The following DHX38 variants were observed in gnomAD, a reference collection of about 807,000 sequenced individuals.
The protein encoded by DHX38 is DEAH-box helicase 38.
A neutral mutation model predicts 153.1 loss-of-function variants in DHX38; 100 were observed. The observed-to-expected ratio is 0.65, with a 90% confidence interval of 0.56 to 0.77. The LOEUF (loss-of-function observed/expected upper bound fraction) is 0.77. DHX38 is among the 30% of genes least tolerant of loss of function. The pLI is 0.00. For missense variants in DHX38, 1,440 were observed against 1,654.0 expected, an observed-to-expected ratio of 0.87 and a Z score of 2.24; for synonymous variants, 650 against 631.7, an observed-to-expected ratio of 1.03 and a Z score of -0.43.
chr16:72,110,892 C>G, intron 25 of DHX38, 64 bp from the exon 26 acceptor site: 1 of 1,505,162 alleles, frequency 6.6e-7, no homozygotes, highest in Non-Finnish European at 8.9e-7. Context: ...GACTTGGGTG[C>G]CGACGAGGCC....
At chr16:72,097,849 CT>C in intron 4 of DHX38, 68 bp downstream of exon 4, 1 of 1,323,302 alleles carries the variant, frequency 7.6e-7, no homozygotes, top group Non-Finnish European at 1.1e-6. Flanking sequence ...TGACTCTCGT[CT>C]TCAGTGAGAT....
At chr16:72,109,158 C>G (rs1178964148) in intron 24 of DHX38, among the ~76,000 whole-genome samples, 2 of 152,218 alleles carry the variant, frequency 1.3e-5, no homozygotes, top group Non-Finnish European at 2.9e-5. Context: ...TCCCCACTTG[C>G]TGCTTGGGAT....
At position 72,104,141 on chromosome 16, in the gene DHX38, G is replaced by A; in HGVS notation, c.2010+10G>A. 1 of 1,612,566 alleles carries A rather than the reference G, an allele frequency of 6.2e-7. No homozygotes were observed. Among genetic ancestry groups the A allele is most frequent in the South Asian group, 1.1e-5 (1 of 91,060 alleles). Reference sequence around the variant, plus strand: ...TGGGCTGCTCCGGGAGGTGAGGGCTGTGTGGTTTGGTCTCTCTGCGCATGG... The same window carrying A: ...TGGGCTGCTCCGGGAGGTGAGGGCTATGTGGTTTGGTCTCTCTGCGCATGG... On this transcript the variant is annotated intron_variant, in intron 14 of 26. Transcript: ENST00000268482. The surrounding 1 kb of genome is among the most constrained non-coding windows in gnomAD (Gnocchi z 4.5).
chr16:72,101,740 T>G, intron 11 of DHX38, 128 bp downstream of exon 11: 1 of 682,042 alleles, frequency 1.5e-6, no homozygotes, highest in South Asian at 1.8e-5. Context: ...TCTCTGCATC[T>G]TCCATTCTCT....
At position 72,101,163 on chromosome 16, in the gene DHX38, G is replaced by A; in HGVS notation, c.1356G>A (p.Arg452=). The change falls in exon 10 of 27, where the codon CGG becomes CGA. Residue 452 remains arginine (R), a synonymous_variant. Transcript: ENST00000268482. ...CTCGGAAAGGCAGCCAGACAGTGCG[G>A]AAGCACAGGGAGCAGAAGGAGCGCA... is the stretch of plus-strand genomic sequence containing the variant. ...IIARKGSQTV[R]KHREQKERKK... The A allele has an allele frequency of 6.2e-7, 1 of 1,614,288 alleles. No homozygotes were observed. Among genetic ancestry groups the A allele is most frequent in the Non-Finnish European group, 8.5e-7 (1 of 1,180,054 alleles).
intron 1 of DHX38, 39 bp from the exon 2 acceptor site, chr16:72,096,100 G>C: frequency 1.3e-6 from 2 of 1,542,578 alleles, no homozygotes; most frequent in East Asian, 2.3e-5. Flanking sequence ...TAGTAGAGCT[G>C]AGCCTTCTCT....
At position 72,107,192 on chromosome 16, in the gene DHX38, G is replaced by T. The variant is rs2042190055; in HGVS notation, c.2601-148G>T. ...GAAGAAGGGCTAAATTGGCAGATTG[G>T]AGTTTTGAATAGGTGGAAGTCAGTG... On this transcript the variant is annotated intron_variant, in intron 19 of 26. Transcript: ENST00000268482. This position sits in a 1 kb window ranked among gnomAD's most constrained non-coding sequence, Gnocchi z 5.3. The T allele has an allele frequency of 5.0e-6, 4 of 794,958 alleles. No individual in the cohort carries two copies. Among genetic ancestry groups the T allele is most frequent in the Non-Finnish European group, 7.8e-6 (4 of 511,528 alleles). 49.2% of individuals were successfully genotyped at this position (794,958 alleles called of 1,614,324 possible).
At position 72,098,690 on chromosome 16, in the gene DHX38, GC is replaced by G. The variant is rs1305159894; in HGVS notation, c.663del (p.Tyr222MetfsTer36). 1.2e-6 allele frequency: 2 copies of G among 1,614,172 alleles called. No homozygotes were observed. The highest frequency in any genetic ancestry group is 1.7e-6 in the Non-Finnish European group (2 of 1,180,030). ...SRSTWEEEDS[G>X]YGSSRRSQWE... is the part of the protein sequence containing the mutation. The stretch of plus-strand genomic sequence containing the variant: ...TCTACCTGGGAGGAAGAGGACAGTG[GC>G]TATGGCTCCTCAAGGCGCTCACAGT... On this transcript the variant is annotated frameshift_variant, in exon 5 of 27. Transcript: ENST00000268482. LOFTEE classifies it high-confidence loss of function.
intron 12 of DHX38, 28 bp downstream of exon 12, chr16:72,103,239 A>G: frequency 6.2e-7 from 1 of 1,608,576 alleles, no homozygotes; most frequent in East Asian, 2.2e-5. Context: ...CCAGGAATCT[A>G]GTGTCAAGTC....
At chr16:72,096,543 A>G (rs1158600996) in intron 2 of DHX38, 63 bp downstream of exon 2, 16 of 1,494,116 alleles carry the variant, frequency 1.1e-5, no homozygotes, top group Admixed American at 2.4e-5. Context: ...ATAACAGCTC[A>G]TGTTTATCTC....
At chr16:72,106,155 C>T (rs764579727) in intron 19 of DHX38, 38 bp downstream of exon 19, 4 of 1,599,518 alleles carry the variant, frequency 2.5e-6, no homozygotes, top group Non-Finnish European at 3.4e-6. Flanking sequence ...TGGGGCAGCG[C>T]TGGGGTTGCT....
chr16:72,107,232 T>C lies in DHX38; in HGVS notation c.2601-108T>C. ...GGAAGTCAGTGATTCACTGAAGTAG[T>C]GGGTGGGGAGAAGAAATGAGAATTT... On this transcript the variant is annotated intron_variant, in intron 19 of 26. Transcript: ENST00000268482. This position sits in a 1 kb window ranked among gnomAD's most constrained non-coding sequence, Gnocchi z 5.3. The C allele has an allele frequency of 8.5e-7, 1 of 1,174,332 alleles. No homozygotes were observed. Among genetic ancestry groups the C allele is most frequent in the South Asian group, 1.5e-5 (1 of 67,146 alleles). The allele number at this position is 1,174,332 out of a possible 1,614,324, so 72.7% of individuals were successfully genotyped here. A position where few individuals can be genotyped will look rare whatever the true frequency, so the allele number is the denominator to read the frequency against.
intron 7 of DHX38, 111 bp downstream of exon 7, chr16:72,099,391 C>A: frequency 2.0e-6 from 2 of 996,230 alleles, no homozygotes; most frequent in South Asian, 1.7e-5. Flanking sequence ...CCTGTTCAGA[C>A]CCAATGCCCT....
At chr16:72,097,133 C>T (rs1645862519) in intron 3 of DHX38, 124 bp downstream of exon 3, 1 of 1,139,434 alleles carries the variant, frequency 8.8e-7, no homozygotes. Flanking sequence ...TGATGTCCGC[C>T]TGAGTGGTTT....
At position 72,112,648 on chromosome 16, in the gene DHX38, C is replaced by A. The variant is rs2042272998; in HGVS notation, c.*151C>A. Reference sequence around the variant, plus strand: ...AGGGCAGTTCCTGCTGGACCAGACTCTCTGGCAGAGGAGGTGGAGTTCTTC... The same window carrying A: ...AGGGCAGTTCCTGCTGGACCAGACTATCTGGCAGAGGAGGTGGAGTTCTTC... On this transcript the variant is annotated 3_prime_UTR_variant, in exon 27 of 27. Coordinates refer to ENST00000268482, the MANE Select transcript of DHX38 (RefSeq NM_014003.4). The A allele has an allele frequency of 2.4e-6, 2 of 836,608 alleles. No homozygotes were observed. Among genetic ancestry groups the A allele is most frequent in the African/African-American group, 1.7e-5 (1 of 59,730 alleles). 51.8% of individuals were successfully genotyped at this position (836,608 alleles called of 1,614,324 possible).
rs1287279037 is a variant in DHX38 at position 72,107,183 on chromosome 16, G to A, written c.2601-157G>A. Among the ~76,000 whole-genome samples the A allele has an allele frequency of 2.0e-5, 3 of 152,148 alleles. No individual in the cohort carries two copies. Among genetic ancestry groups the A allele is most frequent in the Admixed American group, 2.0e-4 (3 of 15,276 alleles). On this transcript the variant is annotated intron_variant, in intron 19 of 26. Coordinates refer to ENST00000268482, the MANE Select transcript of DHX38 (RefSeq NM_014003.4). This position sits in a 1 kb window ranked among gnomAD's most constrained non-coding sequence, Gnocchi z 5.3. Reference sequence around the variant, plus strand: ...GAGGCTCCAGAAGAAGGGCTAAATTGGCAGATTGGAGTTTTGAATAGGTGG... The same window carrying A: ...GAGGCTCCAGAAGAAGGGCTAAATTAGCAGATTGGAGTTTTGAATAGGTGG...
At position 72,096,994 on chromosome 16, in the gene DHX38, C is replaced by A. The variant is rs752514487; in HGVS notation, c.496C>A (p.Arg166Ser). 2 of 1,613,746 alleles carry A rather than the reference C, an allele frequency of 1.2e-6. No homozygotes were observed. The highest frequency in any genetic ancestry group is 1.1e-5 in the South Asian group (1 of 91,026). Residue 166 changes from arginine (R) to serine (S), a missense_variant, in exon 3 of 27, where the codon CGC becomes AGC. Coordinates refer to ENST00000268482, the MANE Select transcript of DHX38 (RefSeq NM_014003.4). ...KEKSRDRDYD[R>S]KRDRDERDRS... ...GAAATCGCGGGATCGAGACTATGAC[C>A]GCAAGAGGGACAGAGGTAAACTGTC...
chr16:72,109,158 C>T (rs1178964148), intron 24 of DHX38, among the ~76,000 whole-genome samples: 2 of 152,218 alleles, frequency 1.3e-5, no homozygotes, highest in African/African-American at 4.8e-5. Context: ...TCCCCACTTG[C>T]TGCTTGGGAT....
At chr16:72,103,883 G>C (rs977467604) in intron 13 of DHX38, 63 bp from the exon 14 acceptor site, 1 of 1,605,724 alleles carries the variant, frequency 6.2e-7, no homozygotes, top group African/African-American at 1.3e-5. Context: ...TCGGACCCCA[G>C]TACGGGGTGT....
Sources: allele counts gnomAD v4.1 joint callset (sites outside exome capture counted in the v4.1 genomes callset), GRCh38; gene constraint gnomAD v4.1.1; non-coding constraint Gnocchi (gnomAD v3.1); transcripts MANE v1.5; gene names NCBI Gene and HGNC (gene_info 2026-07-23, HGNC 2026-07-21).